Variants in UGT1A10 observed in about 807,000 individuals in gnomAD.
The protein encoded by UGT1A10 is UDP glucuronosyltransferase family 1 member A10.
A neutral mutation model predicts 45.8 loss-of-function variants in UGT1A10; 49 were observed. The ratio of observed to expected loss-of-function variants is 1.07; its 90% CI spans 0.85 to 1.36. The LOEUF (loss-of-function observed/expected upper bound fraction) is 1.36, where lower values mean the gene tolerates loss of function less well. Among genes scored for constraint, UGT1A10 ranks in the 40% most tolerant of loss-of-function variants. UGT1A10 has a pLI of 0.00. For synonymous variants in UGT1A10, 284 were observed against 249.7 expected (o/e 1.14, Z -1.29); for missense variants, 745 against 668.6 (o/e 1.11, Z -1.26).
At chr2:233,677,956 T>G (rs1246986020) in intron 1 of UGT1A10, among the ~76,000 whole-genome samples, 1 of 152,070 alleles carries the variant, frequency 6.6e-6, no homozygotes, top group Non-Finnish European at 1.5e-5. Flanking sequence ...GAAGAAAATG[T>G]GGAACACATA....
intron 1 of UGT1A10, chr2:233,682,233 CG>C: frequency 6.2e-7 from 1 of 1,614,200 alleles, no homozygotes; most frequent in Non-Finnish European, 8.5e-7. Context: ...GCTCGCTGGA[CG>C]GCACCATTGC....
At chr2:233,658,115 T>C (rs2073895025) in intron 1 of UGT1A10, among the ~76,000 whole-genome samples, 1 of 151,416 alleles carries the variant, frequency 6.6e-6, no homozygotes, top group Non-Finnish European at 1.5e-5. Context: ...GCCTCCTGGG[T>C]TCAAATGATT....
At position 233,713,714 on chromosome 2, in the gene UGT1A10, A is replaced by G. The variant is rs191146485; in HGVS notation, c.856-53320A>G. On this transcript the variant is annotated intron_variant, in intron 1 of 4. Coordinates refer to ENST00000344644, the MANE Select transcript of UGT1A10 (RefSeq NM_019075.4). ...GCCTTGCCTCTGAGCTTTTTCAGAGAGAGGTGTCAGTGGTGGATCTTGTCA... is the reference window on the plus strand; with the variant it reads ...GCCTTGCCTCTGAGCTTTTTCAGAGGGAGGTGTCAGTGGTGGATCTTGTCA... 9.0e-5 allele frequency: 146 copies of G among 1,613,790 alleles called. 1 individual carries two copies. In the East Asian group the frequency reaches 2.9e-3, roughly 32 times the overall value.
At chr2:233,768,587 T>TC in intron 4 of UGT1A10, 148 bp downstream of exon 4, 1 of 888,352 alleles carries the variant, frequency 1.1e-6, no homozygotes, top group Non-Finnish European at 1.4e-6. Context: ...TTCTTCTTTT[T>TC]TTTTTTTTTT....
chr2:233,749,814 T>C (rs951105241), intron 1 of UGT1A10, among the ~76,000 whole-genome samples: 1 of 151,928 alleles, frequency 6.6e-6, no homozygotes, highest in African/African-American at 2.4e-5. Flanking sequence ...AAGCTCTTCC[T>C]CTTTCTCTCT....
intron 1 of UGT1A10, among the ~76,000 whole-genome samples, chr2:233,724,368 T>A (rs1161929215): frequency 7.9e-6 from 1 of 127,164 alleles, no homozygotes; most frequent in Non-Finnish European, 1.7e-5. Context: ...CCGGACGGGG[T>A]GGCTGCCGGG....
intron 1 of UGT1A10, among the ~76,000 whole-genome samples, chr2:233,675,268 C>T (rs2074316080): frequency 6.6e-6 from 1 of 152,142 alleles, no homozygotes; most frequent in South Asian, 2.1e-4. Context: ...CTATATCATT[C>T]CGTGTGGTCA....
rs765048439 is a variant in UGT1A10 at position 233,636,977 on chromosome 2, C to A, written c.455C>A (p.Thr152Asn). ...FDAVFLDPFD[T>N]CGLIVAKYFS... ...GCAGTGTTTCTGGATCCTTTTGATA[C>A]CTGTGGCTTAATTGTTGCTAAATAT... is the stretch of plus-strand genomic sequence containing the variant. Residue 152 changes from threonine (T) to asparagine (N), a missense_variant, in exon 1 of 5, where the codon ACC becomes AAC. By Grantham distance (65) the Thr-to-Asn change is moderately conservative. Coordinates refer to ENST00000344644, the MANE Select transcript of UGT1A10 (RefSeq NM_019075.4). 1.9e-6 allele frequency: 3 copies of A among 1,613,980 alleles called. No homozygotes were observed. The highest frequency in any genetic ancestry group is 2.2e-5 in the South Asian group (2 of 91,074).
chr2:233,651,830 A>T (rs528601133), intron 1 of UGT1A10, among the ~76,000 whole-genome samples: 136 of 152,302 alleles, frequency 8.9e-4, no homozygotes, highest in Middle Eastern at 3.4e-3. Context: ...CACATGTGTC[A>T]GCATGCAGTG....
Position 233,729,365 on chromosome 2 carries a change from A to C in UGT1A10, c.856-37669A>C, listed in dbSNP as rs367794808. ...GAGAACTTTTTCACCCTGACAACCT[A>C]TGCCATTTCGTGGACCCAGGATGAA... On this transcript the variant is annotated intron_variant, in intron 1 of 4. Coordinates refer to ENST00000344644, the MANE Select transcript of UGT1A10 (RefSeq NM_019075.4). 153 of 1,614,014 alleles carry C rather than the reference A, an allele frequency of 9.5e-5. No individual in the cohort carries two copies. Among genetic ancestry groups the C allele is most frequent in the Non-Finnish European group, 1.3e-4 (148 of 1,180,000 alleles).
chr2:233,728,344 T>C (rs965665608), intron 1 of UGT1A10, among the ~76,000 whole-genome samples: 5 of 152,226 alleles, frequency 3.3e-5, no homozygotes, highest in African/African-American at 4.8e-5. Context: ...AGTCCCTTGG[T>C]GAGCAGGAGC....
rs34946247 is a variant in UGT1A10 at position 233,761,682 on chromosome 2, A to G, written c.856-5352A>G. Among the ~76,000 whole-genome samples, 259 of 152,380 alleles carry G rather than the reference A, an allele frequency of 1.7e-3. 1 individual carries two copies. The highest frequency in any genetic ancestry group is 5.9e-3 in the African/African-American group (244 of 41,588). On this transcript the variant is annotated intron_variant, in intron 1 of 4. Coordinates refer to ENST00000344644, the MANE Select transcript of UGT1A10 (RefSeq NM_019075.4). Reference sequence around the variant, plus strand: ...AATCACCAGACAGTCAGGTTCTGACATGATACAGAAAGGTTGTAGGTTTCA... The same window carrying G: ...AATCACCAGACAGTCAGGTTCTGACGTGATACAGAAAGGTTGTAGGTTTCA...
chr2:233,747,223 G>C, intron 1 of UGT1A10: 1 of 1,605,538 alleles, frequency 6.2e-7, no homozygotes, highest in Non-Finnish European at 8.5e-7. Context: ...GATGGCCACA[G>C]GACCCCAGGT....
intron 1 of UGT1A10, among the ~76,000 whole-genome samples, chr2:233,704,317 G>A (rs1265287357): frequency 3.5e-5 from 4 of 114,658 alleles, no homozygotes; most frequent in African/African-American, 1.5e-4. Flanking sequence ...ATCCTTTAAT[G>A]TTTTTCTTTC....
chr2:233,676,702 C>T (rs748281452), intron 1 of UGT1A10, among the ~76,000 whole-genome samples: 2 of 152,142 alleles, frequency 1.3e-5, no homozygotes, highest in African/African-American at 2.4e-5. Flanking sequence ...GAATGTTCCT[C>T]TAGAATGTCA....
chr2:233,772,801 T>A lies in UGT1A10; in HGVS notation c.*242T>A. ...CTTTGATCAGGATGACATGTGCCATTTTTCAGAGGACGTGCAGACAGGCTG... is the reference window on the plus strand; with the variant it reads ...CTTTGATCAGGATGACATGTGCCATATTTCAGAGGACGTGCAGACAGGCTG... On this transcript the variant is annotated 3_prime_UTR_variant, in exon 5 of 5. Coordinates refer to ENST00000344644, the MANE Select transcript of UGT1A10 (RefSeq NM_019075.4). The A allele has an allele frequency of 2.6e-6, 3 of 1,145,220 alleles. No homozygotes were observed. Among genetic ancestry groups the A allele is most frequent in the South Asian group, 3.5e-5 (2 of 57,704 alleles). 70.9% of individuals were successfully genotyped at this position (1,145,220 alleles called of 1,614,324 possible).
intron 1 of UGT1A10, among the ~76,000 whole-genome samples, chr2:233,700,974 A>G (rs1575470189): frequency 6.6e-6 from 1 of 150,696 alleles, no homozygotes; most frequent in African/African-American, 2.4e-5. Flanking sequence ...GCGGTGTTTG[A>G]TTTTTTGTCC....
At chr2:233,647,907 A>G in intron 1 of UGT1A10, 2 of 1,581,582 alleles carry the variant, frequency 1.3e-6, no homozygotes, top group African/African-American at 2.7e-5. Flanking sequence ...GTTAGCCTCC[A>G]GGGAAGGTAG....
chr2:233,760,180 T>A, intron 1 of UGT1A10: 1 of 1,548,272 alleles, frequency 6.5e-7, no homozygotes, highest in Non-Finnish European at 8.7e-7. Context: ...GACAGCTTTT[T>A]ATAGTCACGT....
Sources: allele counts gnomAD v4.1 joint callset (sites outside exome capture counted in the v4.1 genomes callset), GRCh38; gene constraint gnomAD v4.1.1; transcripts MANE v1.5; gene names NCBI Gene and HGNC (gene_info 2026-07-23, HGNC 2026-07-21).